Variants in NYAP2 observed in about 807,000 individuals in gnomAD.
NYAP2 encodes the protein neuronal tyrosine-phosphorylated phosphoinositide-3-kinase adaptor 2.
In NYAP2, 23 loss-of-function variants were observed where a neutral mutation model predicts 50.4. That is an observed-to-expected ratio of 0.46 (90% CI 0.33 to 0.65). NYAP2 has a LOEUF of 0.65. NYAP2 is among the 30% of genes least tolerant of loss of function. The pLI is 0.02. For missense variants in NYAP2, 885 were observed against 861.0 expected, an observed-to-expected ratio of 1.03 and a Z score of -0.35; for synonymous variants, 394 against 365.2, an observed-to-expected ratio of 1.08 and a Z score of -0.90.
At chr2:225,450,743 TCA>T (rs1172860908) in intron 3 of NYAP2, among the ~76,000 whole-genome samples, 1 of 152,202 alleles carries the variant, frequency 6.6e-6, no homozygotes, top group Non-Finnish European at 1.5e-5. Flanking sequence ...TTACTAGGGC[TCA>T]GTTTCTTTGC....
chr2:225,446,982 A>G (rs1347124490), intron 3 of NYAP2, among the ~76,000 whole-genome samples: 1 of 152,012 alleles, frequency 6.6e-6, no homozygotes, highest in African/African-American at 2.4e-5. Context: ...CGAGAAGCCA[A>G]GCTAAACTAC....
At chr2:225,525,625 G>T (rs956745312) in intron 4 of NYAP2, among the ~76,000 whole-genome samples, 1 of 152,156 alleles carries the variant, frequency 6.6e-6, no homozygotes. Flanking sequence ...ACTCCAAGAG[G>T]TAGAAGGATG....
At chr2:225,467,888 C>T (rs1472093381) in intron 3 of NYAP2, among the ~76,000 whole-genome samples, 2 of 152,090 alleles carry the variant, frequency 1.3e-5, no homozygotes, top group Non-Finnish European at 2.9e-5. Context: ...TGCATGCTGG[C>T]CACTACTCCA....
In NYAP2 at chr2:225,644,268, A is replaced by G. The variant is rs1338636413; in HGVS notation, c.1829-7164A>G. Among the ~76,000 whole-genome samples, 458 of 151,984 alleles carry G rather than the reference A, an allele frequency of 3.0e-3. 2 individuals are homozygous for G. Among genetic ancestry groups the G allele is most frequent in the Middle Eastern group, 0.02 (6 of 294 alleles). On this transcript the variant is annotated intron_variant, in intron 6 of 6. Coordinates refer to ENST00000636099, the Ensembl canonical transcript of NYAP2. ...TGAGAAGTGTCTGTTCATGTCCTTC[A>G]CCCACTTTTTGATGGGGTTGTTTGT... is the stretch of plus-strand genomic sequence containing the variant.
At chr2:225,495,149 T>C (rs1184240317) in intron 3 of NYAP2, among the ~76,000 whole-genome samples, 3 of 152,188 alleles carry the variant, frequency 2.0e-5, no homozygotes, top group African/African-American at 7.2e-5. Flanking sequence ...CTCAGAACCA[T>C]GTTGAGACCT....
chr2:225,637,823 C>A (rs1484347176), intron 6 of NYAP2, among the ~76,000 whole-genome samples: 1 of 152,042 alleles, frequency 6.6e-6, no homozygotes, highest in East Asian at 1.9e-4. Context: ...AGGGAGTTAA[C>A]CATTTTAAAT....
At chr2:225,654,844 T>C (rs1006091162), downstream of NYAP2, among the ~76,000 whole-genome samples, 1 of 152,222 alleles carries the variant, frequency 6.6e-6, no homozygotes, top group Non-Finnish European at 1.5e-5. Context: ...AAAAGACCTG[T>C]GTTACTTCTC....
chr2:225,499,631 C>T (rs887695354), intron 3 of NYAP2, among the ~76,000 whole-genome samples: 9 of 152,084 alleles, frequency 5.9e-5, no homozygotes, highest in Non-Finnish European at 8.8e-5. Flanking sequence ...TTTCAGTAGA[C>T]TCTGGTGGTA....
chr2:225,520,546 T>C (rs1242344616), intron 4 of NYAP2, among the ~76,000 whole-genome samples: 2 of 152,214 alleles, frequency 1.3e-5, no homozygotes, highest in African/African-American at 2.4e-5. Context: ...TCCCCATTGC[T>C]TGTTTTTCTC....
intron 6 of NYAP2, among the ~76,000 whole-genome samples, chr2:225,628,640 TG>T (rs1338705704): frequency 6.6e-6 from 1 of 152,098 alleles, no homozygotes; most frequent in East Asian, 1.9e-4. Context: ...AGTGTTTTTA[TG>T]GGGAAAAAAG....
At chr2:225,618,067 C>T (rs922862834) in intron 5 of NYAP2, among the ~76,000 whole-genome samples, 2 of 152,196 alleles carry the variant, frequency 1.3e-5, no homozygotes, top group Non-Finnish European at 2.9e-5. Context: ...CCATGGAAGG[C>T]ATAGGGTGGC....
In NYAP2 at chr2:225,614,166, G is replaced by A. The variant is rs188966787; in HGVS notation, c.1619-12751G>A. ...GAACTACAGATCATCTCAACCCCAA[G>A]CCAGGATGTTTTATAGTTTTTGTAT... On this transcript the variant is annotated intron_variant, in intron 5 of 6. Coordinates refer to ENST00000636099, the Ensembl canonical transcript of NYAP2. Among the ~76,000 whole-genome samples, 17 of 152,136 alleles carry A rather than the reference G, an allele frequency of 1.1e-4. No homozygotes were observed. The East Asian group carries it at 3.3e-3, about 29-fold the overall frequency.
chr2:225,636,077 T>A (rs567863563), intron 6 of NYAP2, among the ~76,000 whole-genome samples: 1 of 152,346 alleles, frequency 6.6e-6, no homozygotes, highest in South Asian at 2.1e-4. Flanking sequence ...ATATATAATG[T>A]ACCCTAGACT....
intron 3 of NYAP2, among the ~76,000 whole-genome samples, chr2:225,417,599 G>A (rs1181715770): frequency 6.6e-6 from 1 of 152,010 alleles, no homozygotes; most frequent in East Asian, 1.9e-4. Flanking sequence ...TAAAAAAGAA[G>A]TATTTAAAAT....
At chr2:225,648,581 A>G (rs1223063419) in intron 6 of NYAP2, among the ~76,000 whole-genome samples, 1 of 152,158 alleles carries the variant, frequency 6.6e-6, no homozygotes, top group African/African-American at 2.4e-5. Flanking sequence ...AGCAAATTCC[A>G]ACAGGACTAA....
At chr2:225,422,203 G>A (rs954132233) in intron 3 of NYAP2, among the ~76,000 whole-genome samples, 1 of 152,104 alleles carries the variant, frequency 6.6e-6, no homozygotes, top group Non-Finnish European at 1.5e-5. Context: ...AGATTAAATG[G>A]GATAAAGAGA....
At chr2:225,398,624 C>CAGAGAG (rs55932860), upstream of NYAP2, among the ~76,000 whole-genome samples, 6 of 149,388 alleles carry the variant, frequency 4.0e-5, no homozygotes, top group Non-Finnish European at 7.4e-5. Flanking sequence ...CTTCATAAGG[C>CAGAGAG]AGAGAGAGAG....
At chr2:225,647,552 T>TA (rs1331418439) in intron 6 of NYAP2, among the ~76,000 whole-genome samples, 1 of 152,128 alleles carries the variant, frequency 6.6e-6, no homozygotes, top group Non-Finnish European at 1.5e-5. Flanking sequence ...ACTGCCATGG[T>TA]AAGTAGGCGA....
the NYAP2 span, among the ~76,000 whole-genome samples, chr2:225,661,824 C>T: frequency 6.6e-6 from 1 of 151,508 alleles, no homozygotes; most frequent in South Asian, 2.1e-4. Context: ...TTTGGGTTCA[C>T]GTGATTCTCC....
Sources: allele counts gnomAD v4.1 joint callset (sites outside exome capture counted in the v4.1 genomes callset), GRCh38; gene constraint gnomAD v4.1.1; transcripts MANE v1.5; gene names NCBI Gene and HGNC (gene_info 2026-07-23, HGNC 2026-07-21).